The following CLDN14 variants were observed in gnomAD, a reference collection of about 807,000 sequenced individuals.
CLDN14 encodes the protein claudin-14.
Under a neutral mutation model 2.1 loss-of-function variants are expected in CLDN14, and 2 were observed. The observed-to-expected ratio is 0.96, with a 90% CI of 0.39 to 3.01. The LOEUF is 3.01. Among genes scored for constraint, CLDN14 ranks in the 30% most tolerant of loss-of-function variants. The pLI is 0.09. For synonymous variants in CLDN14, 136 were observed against 154.4 expected, an observed-to-expected ratio of 0.88 and a Z score of 0.88; for missense variants, 298 against 328.0, an observed-to-expected ratio of 0.91 and a Z score of 0.71.
Position 36,477,055 on chromosome 21 carries a change from G to A in CLDN14, c.-82+2440C>T, listed in dbSNP as rs190823390. ...GTAGGTTACCTTTGCCTGCTCTCAG[G>A]ACTTGCTAGATAATTTGCAGAACCC... On this transcript the variant is annotated intron_variant, in intron 1 of 1. Coordinates refer to ENST00000399135, the MANE Select transcript of CLDN14 (RefSeq NM_001146079.2). Among the ~76,000 whole-genome samples, 1,381 of 152,320 alleles carry A rather than the reference G, an allele frequency of 9.1e-3. 12 individuals are homozygous for A. The highest frequency in any genetic ancestry group is 0.013 in the Non-Finnish European group (854 of 68,032).
At chr21:36,573,377 T>C (rs915639343) in intron 1 of CLDN14, among the ~76,000 whole-genome samples, 1 of 151,378 alleles carries the variant, frequency 6.6e-6, no homozygotes, top group Non-Finnish European at 1.5e-5. Flanking sequence ...ACTCAAAAAG[T>C]ATATAGAAAA....
intron 1 of CLDN14, among the ~76,000 whole-genome samples, chr21:36,468,666 AC>A (rs2086675300): frequency 6.6e-6 from 1 of 152,144 alleles, no homozygotes; most frequent in Non-Finnish European, 1.5e-5. Context: ...TAGCAAAACT[AC>A]CTAACACAGA....
intron 1 of CLDN14, among the ~76,000 whole-genome samples, chr21:36,533,634 A>C (rs1218513060): frequency 1.3e-5 from 2 of 152,196 alleles, no homozygotes; most frequent in Non-Finnish European, 2.9e-5. Flanking sequence ...ATAAATTGGT[A>C]AGACCTCCTG....
chr21:36,520,914 C>T (rs1025147505), intron 1 of CLDN14, among the ~76,000 whole-genome samples: 1 of 152,072 alleles, frequency 6.6e-6, no homozygotes, highest in Non-Finnish European at 1.5e-5. Context: ...GGACTGGGCT[C>T]ACTGATCTGC....
At chr21:36,482,535 C>T (rs998656798), upstream of CLDN14, among the ~76,000 whole-genome samples, 1 of 152,110 alleles carries the variant, frequency 6.6e-6, no homozygotes, top group African/African-American at 2.4e-5. Flanking sequence ...CTCACGGAGC[C>T]AGACTAGGGT....
At chr21:36,488,757 A>G (rs1318776676) in intron 2 of CLDN14, among the ~76,000 whole-genome samples, 3 of 152,136 alleles carry the variant, frequency 2.0e-5, no homozygotes. Context: ...ATATGCGTGT[A>G]CTTAATGTCA....
chr21:36,481,833 T>C (rs114354346), upstream of CLDN14, among the ~76,000 whole-genome samples: 1 of 152,204 alleles, frequency 6.6e-6, no homozygotes, highest in Admixed American at 6.5e-5. Context: ...AAGGTATTGA[T>C]TTGTTCTTCG....
chr21:36,513,401 A>G (rs1241331569), intron 1 of CLDN14, among the ~76,000 whole-genome samples: 1 of 152,244 alleles, frequency 6.6e-6, no homozygotes, highest in East Asian at 1.9e-4. Flanking sequence ...GAAAGATGGA[A>G]AAGCCTGAAT....
intron 1 of CLDN14, among the ~76,000 whole-genome samples, chr21:36,522,470 G>C (rs907310280): frequency 2.0e-5 from 3 of 148,496 alleles, no homozygotes; most frequent in East Asian, 3.9e-4. Context: ...CAAAGCCTGC[G>C]TGCCCAGCAG....
intron 1 of CLDN14, among the ~76,000 whole-genome samples, chr21:36,523,075 G>C (rs947986420): frequency 6.6e-6 from 1 of 152,154 alleles, no homozygotes; most frequent in Non-Finnish European, 1.5e-5. Context: ...GACACTCACT[G>C]TCCTGGCTGG....
chr21:36,541,672 A>T (rs1480350701), intron 1 of CLDN14, among the ~76,000 whole-genome samples: 1 of 152,226 alleles, frequency 6.6e-6, no homozygotes, highest in Admixed American at 6.5e-5. Flanking sequence ...TTTACACAAA[A>T]TACAAAAGAT....
chr21:36,518,808 T>C (rs2087247928), intron 1 of CLDN14, among the ~76,000 whole-genome samples: 1 of 152,164 alleles, frequency 6.6e-6, no homozygotes, highest in Non-Finnish European at 1.5e-5. Context: ...AGGCACACAA[T>C]TAATGGGAAT....
intron 1 of CLDN14, among the ~76,000 whole-genome samples, chr21:36,527,049 A>C (rs1482631142): frequency 6.6e-6 from 1 of 152,190 alleles, no homozygotes; most frequent in Non-Finnish European, 1.5e-5. Context: ...CCCCCCAAAT[A>C]AGAAGAAAGC....
intron 1 of CLDN14, among the ~76,000 whole-genome samples, chr21:36,538,070 C>A (rs929119035): frequency 2.7e-5 from 4 of 150,854 alleles, no homozygotes; most frequent in Admixed American, 6.6e-5. Flanking sequence ...ATGGTTAGAG[C>A]CAGGGAGACA....
At chr21:36,549,276 A>ACACACT (rs551169909) in intron 1 of CLDN14, among the ~76,000 whole-genome samples, 8,211 of 139,510 alleles carry the variant, frequency 0.059, 229 homozygotes, top group South Asian at 0.11. Context: ...TTACACACAC[A>ACACACT]CTCTCTCTCT....
chr21:36,488,989 G>A (rs219735), intron 2 of CLDN14, among the ~76,000 whole-genome samples: 67,376 of 150,482 alleles, frequency 0.45, 17,936 homozygotes, highest in Non-Finnish European at 0.6. Context: ...ATGCATCTGC[G>A]ATCCCAGCTA....
intron 1 of CLDN14, among the ~76,000 whole-genome samples, chr21:36,528,076 G>T (rs2087348591): frequency 6.6e-6 from 1 of 152,066 alleles, no homozygotes. Context: ...TCAATATTTG[G>T]TACAAAGCTG....
At chr21:36,576,036 C>T (rs2087739129) in intron 1 of CLDN14, among the ~76,000 whole-genome samples, 1 of 152,170 alleles carries the variant, frequency 6.6e-6, no homozygotes, top group East Asian at 1.9e-4. Context: ...CCAAAATTAT[C>T]CCATTTCCAT....
At chr21:36,467,688 G>T (rs1010688502) in intron 1 of CLDN14, among the ~76,000 whole-genome samples, 16 of 152,116 alleles carry the variant, frequency 1.1e-4, no homozygotes, top group African/African-American at 3.9e-4. Context: ...TGCAGGGATG[G>T]GATGGGTGGG....
Sources: gnomAD v4.1 joint callset for allele counts (sites outside exome capture counted in the v4.1 genomes callset) on GRCh38, gnomAD v4.1.1 for gene constraint, MANE v1.5 for transcripts, NCBI Gene and HGNC (gene_info 2026-07-23, HGNC 2026-07-21) for gene names.